The following NME1 variants were observed in gnomAD, a reference collection of about 807,000 sequenced individuals.
NME1 encodes NME/NM23 nucleoside diphosphate kinase 1, also known as nucleoside diphosphate kinase A.
NME1 carries 9 observed loss-of-function variants against 17.2 expected under a neutral mutation model. That is an observed-to-expected ratio of 0.52 (90% confidence interval 0.32 to 0.92). NME1 has a LOEUF of 0.92. Ranked by LOEUF, NME1 falls within the 40% of genes least tolerant of loss-of-function variation. NME1 has a pLI of 0.04. For synonymous variants in NME1, 72 were observed against 70.8 expected, an observed-to-expected ratio of 1.02 and a Z score of -0.09; for missense variants, 169 against 201.7, an observed-to-expected ratio of 0.84 and a Z score of 0.98.
intron 1 of NME1, among the ~76,000 whole-genome samples, chr17:51,154,855 T>C (rs1009361246): frequency 1.3e-5 from 2 of 152,238 alleles, no homozygotes; most frequent in African/African-American, 4.8e-5. Flanking sequence ...AGCTTGATTA[T>C]TGAGAAAGAT....
intron 1 of NME1, chr17:51,154,503 TA>T (rs145924845): frequency 0.014 from 19,883 of 1,433,938 alleles, 167 homozygotes; most frequent in Middle Eastern, 0.028. Context: ...AGTTACTCTC[TA>T]GGCTTCCTTT....
intron 2 of NME1, chr17:51,156,460 G>C (rs2049787458): frequency 6.5e-6 from 1 of 154,726 alleles, no homozygotes; most frequent in Non-Finnish European, 1.4e-5. Context: ...GCCAAGGCAG[G>C]CTGGTCACTT....
intron 2 of NME1, chr17:51,156,103 T>G (rs1307649854): frequency 8.6e-6 from 3 of 348,352 alleles, no homozygotes; most frequent in Non-Finnish European, 5.6e-6. Flanking sequence ...TTGAGCTTCC[T>G]GAGCAGATAA....
chr17:51,161,064 G>A, intron 3 of NME1, 96 bp from the exon 4 acceptor site: 1 of 1,193,920 alleles, frequency 8.4e-7, no homozygotes, highest in Non-Finnish European at 1.2e-6. Flanking sequence ...TAATCTTAAG[G>A]GGCCTTTTTA....
intron 1 of NME1, chr17:51,154,215 T>C (rs911502742): frequency 3.0e-6 from 2 of 667,768 alleles, no homozygotes; most frequent in African/African-American, 3.6e-5. Context: ...TTGCTCCTAT[T>C]GACTGCTAGG....
At chr17:51,160,282 G>A (rs2049846059) in intron 3 of NME1, 1 of 688,240 alleles carries the variant, frequency 1.5e-6, no homozygotes, top group Non-Finnish European at 2.6e-6. Flanking sequence ...CTTTAGATTG[G>A]GTGATCAAAG....
chr17:51,159,189 C>T (rs183846228), intron 2 of NME1, among the ~76,000 whole-genome samples: 7 of 152,196 alleles, frequency 4.6e-5, no homozygotes, highest in African/African-American at 1.7e-4. Context: ...CATGGTGGGT[C>T]ACGCCTGTAA....
At chr17:51,161,665 TG>T in intron 4 of NME1, 62 bp from the exon 5 acceptor site, 1 of 1,194,228 alleles carries the variant, frequency 8.4e-7, no homozygotes, top group Non-Finnish European at 1.3e-6. Context: ...TGTAGATTTC[TG>T]GCAATGGGCG....
At chr17:51,154,221 C>T in intron 1 of NME1, 4 of 716,232 alleles carry the variant, frequency 5.6e-6, no homozygotes, top group East Asian at 2.6e-5. Context: ...CTATTGACTG[C>T]TAGGCCCTGT....
intron 1 of NME1, chr17:51,154,377 GT>G: frequency 6.2e-7 from 1 of 1,614,040 alleles, no homozygotes; most frequent in Non-Finnish European, 8.5e-7. Context: ...CCAAGAGATG[GT>G]GCTACTGTCT....
intron 4 of NME1, 22 bp from the exon 5 acceptor site, chr17:51,161,706 G>T: frequency 6.4e-7 from 1 of 1,557,424 alleles, no homozygotes; most frequent in South Asian, 1.1e-5. Context: ...TTGGTCATGT[G>T]ACTATCTCTT....
intron 2 of NME1, among the ~76,000 whole-genome samples, chr17:51,157,856 C>T (rs749104645): frequency 8.4e-4 from 127 of 152,088 alleles, no homozygotes; most frequent in Admixed American, 1.7e-3. Flanking sequence ...GAAGAATGGA[C>T]GGAAGGATAG....
intron 2 of NME1, chr17:51,156,043 G>A (rs2049781192): frequency 5.1e-6 from 2 of 390,994 alleles, no homozygotes; most frequent in Admixed American, 3.6e-5. Context: ...ACATATGACT[G>A]CATCTCTGTA....
intron 1 of NME1, 111 bp from the exon 2 acceptor site, chr17:51,155,540 G>A (rs2049773090): frequency 1.3e-6 from 2 of 1,514,060 alleles, no homozygotes; most frequent in Non-Finnish European, 9.0e-7. Context: ...GGGAGACCTG[G>A]AGCTGACCTG....
chr17:51,154,891 T>A (rs2049761983), intron 1 of NME1, among the ~76,000 whole-genome samples: 2 of 152,222 alleles, frequency 1.3e-5, no homozygotes, highest in African/African-American at 4.8e-5. Context: ...ACATCCTGTA[T>A]CCTAGTTCCA....
chr17:51,155,252 A>G (rs1381983838), intron 1 of NME1, among the ~76,000 whole-genome samples: 1 of 149,364 alleles, frequency 6.7e-6, no homozygotes, highest in African/African-American at 2.5e-5. Flanking sequence ...AAAAAAAAAA[A>G]AAAAAATCAA....
At chr17:51,155,938 G>T in intron 2 of NME1, 158 bp downstream of exon 2, 1 of 1,200,016 alleles carries the variant, frequency 8.3e-7, no homozygotes, top group Non-Finnish European at 1.2e-6. Flanking sequence ...CTAGCGTTTG[G>T]CTACATCTTG....
chr17:51,154,246 G>T, intron 1 of NME1: 2 of 817,960 alleles, frequency 2.4e-6, no homozygotes, highest in East Asian at 2.5e-5. Context: ...AGGTACCATA[G>T]AGTCTCTACA....
Position 51,161,950 on chromosome 17 carries a change from T to G in NME1, c.*105T>G. On this transcript the variant is annotated 3_prime_UTR_variant, in exon 5 of 5. Coordinates refer to ENST00000393196, the MANE Select transcript of NME1 (RefSeq NM_000269.3). ...GTTATTTACAGGAACTTCATCATAA[T>G]TTGGAGGGAAGCTCTTGGAGCTGTG... 1.2e-6 allele frequency: 1 copy of G among 807,658 alleles called. No homozygotes were observed. Among genetic ancestry groups the G allele is most frequent in the Non-Finnish European group, 2.2e-6 (1 of 463,370 alleles). 50.0% of individuals were successfully genotyped at this position (807,658 alleles called of 1,614,324 possible).
Sources: gnomAD v4.1 joint callset for allele counts (sites outside exome capture counted in the v4.1 genomes callset) on GRCh38, gnomAD v4.1.1 for gene constraint, MANE v1.5 for transcripts, NCBI Gene and HGNC (gene_info 2026-07-23, HGNC 2026-07-21) for gene names.